The following STS variants were observed in gnomAD, a reference collection of about 807,000 sequenced individuals.
STS encodes the protein steroid sulfatase.
STS carries 7 observed loss-of-function variants against 26.8 expected under a neutral mutation model. The observed-to-expected ratio is 0.26, with a 90% CI of 0.15 to 0.49. The LOEUF (loss-of-function observed/expected upper bound fraction) is 0.49. Among genes scored for constraint, STS ranks in the 20% least tolerant of loss-of-function variants. The pLI is 0.98. For missense variants in STS, 434 were observed against 465.6 expected (o/e 0.93, Z 0.63); for synonymous variants, 199 against 189.4 (o/e 1.05, Z -0.42).
rs1932900429 is a variant in STS at position 7,147,719 on chromosome X, G to A, written c.-498G>A. ...GAGGTCCCGCCGCGCCTCGCTCTGA[G>A]GAGAGGACGCGGAGCCGCGCGCCCG... On this transcript the variant is annotated 5_prime_UTR_variant, in exon 1 of 11. Transcript: ENST00000674429. The A allele has an allele frequency of 8.9e-6, 1 of 112,875 alleles. No homozygotes were observed. The highest frequency in any genetic ancestry group is 3.6e-4 in the South Asian group (1 of 2,763). 9.3% of individuals were successfully genotyped at this position (112,875 alleles called of 1,213,427 possible).
intron 2 of STS, among the ~76,000 whole-genome samples, chrX:7,246,122 A>G (rs762805983): frequency 8.9e-6 from 1 of 112,523 alleles, no homozygotes; most frequent in East Asian, 2.8e-4. Flanking sequence ...CAAGAAAGGG[A>G]TAGTGTTTCG....
At chrX:7,330,204 A>G (rs1927681333) in intron 9 of STS, among the ~76,000 whole-genome samples, 1 of 112,112 alleles carries the variant, frequency 8.9e-6, no homozygotes, top group Admixed American at 9.5e-5. Flanking sequence ...AAGGACTTAC[A>G]AAAAAGAAGA....
rs1226637026 is a variant in STS, at chrX:7,338,882, A to G, written c.1363+4775A>G. Among the ~76,000 whole-genome samples the G allele has an allele frequency of 6.3e-5, 7 of 111,688 alleles. No individual in the cohort carries two copies. The Admixed American group carries it at 6.7e-4, about 11-fold the overall frequency. On this transcript the variant is annotated intron_variant, in intron 10 of 10. Coordinates refer to ENST00000674429, the MANE Select transcript of STS (RefSeq NM_001320752.2). ...ATACATACATTGAATATGCATCAAT[A>G]AAAAGTAAATAATTAAATAAAATTA... is the stretch of plus-strand genomic sequence containing the variant.
chrX:7,272,196 G>C (rs1924305994), intron 6 of STS, among the ~76,000 whole-genome samples: 1 of 86,291 alleles, frequency 1.2e-5, no homozygotes, highest in Non-Finnish European at 2.2e-5. Flanking sequence ...GGAATACATA[G>C]AAGAAAAATT....
intron 9 of STS, among the ~76,000 whole-genome samples, chrX:7,330,265 G>A (rs1230642879): frequency 8.9e-6 from 1 of 111,895 alleles, no homozygotes; most frequent in Non-Finnish European, 1.9e-5. Flanking sequence ...CTTTCTGTGG[G>A]TCTCATCTTT....
At chrX:7,176,303 C>T (rs910218009) in intron 1 of STS, among the ~76,000 whole-genome samples, 1 of 111,515 alleles carries the variant, frequency 9.0e-6, no homozygotes, top group East Asian at 2.8e-4. Flanking sequence ...AGAGGAATGC[C>T]TTTTGTGCAA....
intron 2 of STS, among the ~76,000 whole-genome samples, chrX:7,245,504 A>G (rs1922824471): frequency 8.9e-6 from 1 of 112,132 alleles, no homozygotes; most frequent in South Asian, 3.7e-4. Flanking sequence ...GGGAACAATC[A>G]TCTGATCTCA....
intron 7 of STS, among the ~76,000 whole-genome samples, chrX:7,283,803 T>C (rs1924993725): frequency 9.0e-6 from 1 of 111,159 alleles, no homozygotes; most frequent in African/African-American, 3.3e-5. Flanking sequence ...TGGCTTGTGA[T>C]GATGAACTGG....
Position 7,190,887 on chromosome X carries a change from C to A in STS, c.-126C>A. ...TTTTGAATGAATTCACAGGAAGAGC[C>A]CGATGCCCTTGGTTTGACTCTACTA... On this transcript the variant is annotated 5_prime_UTR_variant, in exon 2 of 11. Transcript: ENST00000674429. 2.4e-6 allele frequency: 1 copy of A among 420,307 alleles called. No homozygotes were observed. The highest frequency in any genetic ancestry group is 3.0e-6 in the Non-Finnish European group (1 of 334,526). The allele number at this position is 420,307 out of a possible 1,213,427, so 34.6% of individuals were successfully genotyped here. A position where few individuals can be genotyped will look rare whatever the true frequency, so the allele number is the denominator to read the frequency against.
rs191772545 is a variant in STS at position 7,272,682 on chromosome X, A to C, written c.807-3269A>C. Among the ~76,000 whole-genome samples, 7 of 111,860 alleles carry C rather than the reference A, an allele frequency of 6.3e-5. 1 individual carries two copies. The Admixed American group carries it at 6.6e-4, about 11-fold the overall frequency. On this transcript the variant is annotated intron_variant, in intron 6 of 10. Coordinates refer to ENST00000674429, the MANE Select transcript of STS (RefSeq NM_001320752.2). ...GCTCAGAAAGCAAATGCAGTATTTC[A>C]TCCAATAGCAGAGATTTGCTGAATT...
intron 6 of STS, among the ~76,000 whole-genome samples, chrX:7,264,444 G>T (rs776405854): frequency 8.9e-6 from 1 of 112,647 alleles, no homozygotes; most frequent in South Asian, 3.6e-4. Flanking sequence ...TGCCTCCTGG[G>T]CATGGCGCTT....
At chrX:7,211,093 T>C in intron 2 of STS, among the ~76,000 whole-genome samples, 1 of 112,092 alleles carries the variant, frequency 8.9e-6, no homozygotes, top group Non-Finnish European at 1.9e-5. Flanking sequence ...GAAAGATCTC[T>C]GGAACTCTTG....
chrX:7,279,743 G>A (rs946783900), intron 7 of STS, among the ~76,000 whole-genome samples: 1 of 110,272 alleles, frequency 9.1e-6, no homozygotes, highest in Admixed American at 9.7e-5. Flanking sequence ...CCTTCTATGG[G>A]AGAAACTGTG....
intron 1 of STS, among the ~76,000 whole-genome samples, chrX:7,183,603 A>T (rs868244520): frequency 1.9e-4 from 21 of 112,656 alleles, no homozygotes; most frequent in Middle Eastern, 4.6e-3. Context: ...GTAATCTTGC[A>T]AAAGAAGACA....
At chrX:7,196,750 C>T (rs1361873252) in intron 2 of STS, among the ~76,000 whole-genome samples, 2 of 111,970 alleles carry the variant, frequency 1.8e-5, no homozygotes, top group Non-Finnish European at 1.9e-5. Context: ...ACCTGTCTCT[C>T]TATCTGTATT....
At chrX:7,182,323 G>A (rs1375196538) in intron 1 of STS, among the ~76,000 whole-genome samples, 3 of 109,863 alleles carry the variant, frequency 2.7e-5, no homozygotes, top group Non-Finnish European at 3.8e-5. Context: ...CACGTGCAGG[G>A]TGCTGGCTTC....
chrX:7,308,160 G>A (rs1346157438), intron 8 of STS, among the ~76,000 whole-genome samples: 5 of 111,851 alleles, frequency 4.5e-5, no homozygotes, highest in African/African-American at 1.6e-4. Context: ...AACCTGTGTG[G>A]ATAGAGTTGT....
chrX:7,325,275 T>G, intron 8 of STS, 64 bp from the exon 9 acceptor site: 2 of 1,141,590 alleles, frequency 1.8e-6, no homozygotes, highest in Non-Finnish European at 2.4e-6. Context: ...AAGAGTCCAT[T>G]GAAGTGAGCA....
At chrX:7,281,801 A>G (rs1347312664) in intron 7 of STS, among the ~76,000 whole-genome samples, 1 of 112,434 alleles carries the variant, frequency 8.9e-6, no homozygotes, top group East Asian at 2.8e-4. Flanking sequence ...ATTTTAAAAT[A>G]GACTCTTTTA....
Sources: allele counts gnomAD v4.1 joint callset (sites outside exome capture counted in the v4.1 genomes callset), GRCh38; gene constraint gnomAD v4.1.1; transcripts MANE v1.5; gene names NCBI Gene and HGNC (gene_info 2026-07-23, HGNC 2026-07-21).